The following ZNF143 variants were observed in gnomAD, a reference collection of about 807,000 sequenced individuals.
ZNF143 encodes the protein zinc finger protein 143, also known as SPH-binding factor.
A neutral mutation model predicts 74.1 loss-of-function variants in ZNF143; 49 were observed. The observed-to-expected ratio is 0.66, with a 90% CI of 0.53 to 0.84. The LOEUF (loss-of-function observed/expected upper bound fraction) is 0.84. Ranked by LOEUF, ZNF143 falls within the 40% of genes least tolerant of loss-of-function variation. The pLI, the probability that ZNF143 is intolerant of heterozygous loss-of-function variation, is 0.00. For synonymous variants in ZNF143, 304 were observed against 282.8 expected, an observed-to-expected ratio of 1.07 and a Z score of -0.75; for missense variants, 637 against 793.4, an observed-to-expected ratio of 0.80 and a Z score of 2.37.
At chr11:9,486,422 A>T (rs1417627728) in intron 7 of ZNF143, among the ~76,000 whole-genome samples, 9 of 36,452 alleles carry the variant, frequency 2.5e-4, no homozygotes, top group South Asian at 6.4e-4. Flanking sequence ...AATATATATT[A>T]TATATATTAT....
chr11:9,487,154 A>G (rs1847590465), intron 7 of ZNF143, among the ~76,000 whole-genome samples: 1 of 149,388 alleles, frequency 6.7e-6, no homozygotes, highest in Non-Finnish European at 1.5e-5. Context: ...TTTAATAGAG[A>G]TGGGGTGTCA....
chr11:9,476,758 T>G (rs1856923671), intron 5 of ZNF143, among the ~76,000 whole-genome samples: 1 of 104,266 alleles, frequency 9.6e-6, no homozygotes, highest in African/African-American at 4.2e-5. Flanking sequence ...TTTTTTTTTT[T>G]TTTTTTTTTT....
chr11:9,501,172 C>T lies in ZNF143; in HGVS notation c.1049C>T (p.Thr350Ile). 6.2e-7 allele frequency: 1 copy of T among 1,614,142 alleles called. No homozygotes were observed. Among genetic ancestry groups the T allele is most frequent in the East Asian group, 2.2e-5 (1 of 44,886 alleles). The change falls in exon 11 of 16, where the codon ACA (threonine) becomes ATA (isoleucine). Residue 350 changes from threonine (T) to isoleucine (I), a missense_variant. Physicochemically the swap from Thr to Ile is moderately conservative, Grantham distance 89. Coordinates refer to ENST00000396602, the MANE Select transcript of ZNF143 (RefSeq NM_003442.6). ...AATATCAGAAAAGTGCACGTTAGGA[C>T]ACACACAGGAGAAAGACCTTATTAC... ...TSNIRKVHVR[T>I]HTGERPYYCT...
chr11:9,466,877 C>G (rs1012781632), intron 1 of ZNF143, among the ~76,000 whole-genome samples: 27 of 149,106 alleles, frequency 1.8e-4, no homozygotes, highest in African/African-American at 5.9e-4. Context: ...GAGTAATACT[C>G]TGGTTTTTTT....
chr11:9,515,130 A>G (rs1848678278), intron 13 of ZNF143, among the ~76,000 whole-genome samples: 1 of 152,110 alleles, frequency 6.6e-6, no homozygotes, highest in African/African-American at 2.4e-5. Context: ...CTCCTCAAAA[A>G]AAAAGTCTGA....
At chr11:9,497,443 C>G (rs1486760482) in intron 9 of ZNF143, among the ~76,000 whole-genome samples, 4 of 152,160 alleles carry the variant, frequency 2.6e-5, no homozygotes, top group South Asian at 2.1e-4. Context: ...GTTGGCCAGG[C>G]TGAGCTCGAA....
Position 9,516,228 on chromosome 11 carries a change from G to A in ZNF143, c.1552G>A (p.Ala518Thr). The change falls in exon 14 of 16, where the codon GCC (alanine) becomes ACC (threonine). Residue 518 changes from alanine to threonine, a missense_variant. By Grantham distance (58) the Ala-to-Thr change is moderately conservative. Coordinates refer to ENST00000396602, the MANE Select transcript of ZNF143 (RefSeq NM_003442.6). ...HVNISQADMQAIGNTITMVTQ... is the reference protein window; with the variant it reads ...HVNISQADMQTIGNTITMVTQ... ...CAACATATCTCAAGCTGACATGCAG[G>A]CCATTGGCAACACCATCACAATGGT... 1.2e-6 allele frequency: 2 copies of A among 1,613,958 alleles called. No individual in the cohort carries two copies. The highest frequency in any genetic ancestry group is 1.7e-4 in the Middle Eastern group (1 of 6,060).
chr11:9,481,194 C>T (rs973866870), intron 7 of ZNF143, among the ~76,000 whole-genome samples: 3 of 152,080 alleles, frequency 2.0e-5, no homozygotes, highest in African/African-American at 7.2e-5. Context: ...TTGAGACCAG[C>T]CCGGGCAACA....
intron 14 of ZNF143, among the ~76,000 whole-genome samples, chr11:9,524,079 G>C (rs1320304465): frequency 1.3e-5 from 2 of 149,680 alleles, no homozygotes; most frequent in Admixed American, 6.7e-5. Flanking sequence ...TTTGAGGACA[G>C]TTTATACAAA....
chr11:9,478,510 C>T lies in ZNF143; in HGVS notation c.494C>T (p.Thr165Ile), dbSNP rs1018639593. ...ATCTTGGCAATTCAGGCTGATGGGA[C>T]AGTGGCAGGTCTGCACACTGGGGAT... ...DTILAIQADG[T>I]VAGLHTGDAT... Residue 165 changes from threonine to isoleucine, a missense_variant, in exon 6 of 16, where the codon ACA (threonine) becomes ATA (isoleucine). This residue lies in a region of ZNF143 where 293 missense variants were observed against 307.8 expected (regional missense o/e 0.95). Coordinates refer to ENST00000396602, the MANE Select transcript of ZNF143 (RefSeq NM_003442.6). The T allele has an allele frequency of 6.2e-7, 1 of 1,614,054 alleles. No homozygotes were observed. The highest frequency in any genetic ancestry group is 1.3e-5 in the African/African-American group (1 of 74,928).
intron 14 of ZNF143, among the ~76,000 whole-genome samples, chr11:9,522,840 A>T (rs1454044409): frequency 6.7e-6 from 1 of 150,304 alleles, no homozygotes; most frequent in East Asian, 2.0e-4. Flanking sequence ...CAGATGGAGA[A>T]TGTATATTAA....
intron 1 of ZNF143, among the ~76,000 whole-genome samples, chr11:9,462,504 A>T (rs950650475): frequency 6.6e-6 from 1 of 151,828 alleles, no homozygotes; most frequent in Non-Finnish European, 1.5e-5. Context: ...TCCAGGCTGC[A>T]GTGAGCCGTG....
chr11:9,519,399 G>A (rs1848834547), intron 14 of ZNF143, among the ~76,000 whole-genome samples: 1 of 152,134 alleles, frequency 6.6e-6, no homozygotes, highest in Non-Finnish European at 1.5e-5. Flanking sequence ...GCCCGCCTCG[G>A]CCTCCCAAAG....
At chr11:9,464,765 T>C (rs1180374924) in intron 1 of ZNF143, among the ~76,000 whole-genome samples, 1 of 150,372 alleles carries the variant, frequency 6.7e-6, no homozygotes, top group Non-Finnish European at 1.5e-5. Flanking sequence ...ACTAAAAAAA[T>C]ACAAAAAATT....
At chr11:9,487,417 G>A (rs113517913) in intron 7 of ZNF143, among the ~76,000 whole-genome samples, 1 of 151,300 alleles carries the variant, frequency 6.6e-6, no homozygotes, top group Non-Finnish European at 1.5e-5. Flanking sequence ...TGGAGTGCAG[G>A]GGCATGATCT....
chr11:9,491,950 A>G (rs1465770284), intron 7 of ZNF143, among the ~76,000 whole-genome samples: 5 of 151,552 alleles, frequency 3.3e-5, no homozygotes, highest in Non-Finnish European at 5.9e-5. Flanking sequence ...TTATTTATTT[A>G]TTTGTTTGTT....
chr11:9,522,681 A>C (rs1017561024), intron 14 of ZNF143, among the ~76,000 whole-genome samples: 3 of 151,670 alleles, frequency 2.0e-5, no homozygotes, highest in Non-Finnish European at 4.4e-5. Flanking sequence ...TTTAGTAGAG[A>C]CGGGGTCTCA....
chr11:9,463,913 T>G (rs1856021649), intron 1 of ZNF143: 1 of 152,232 alleles, frequency 6.6e-6, no homozygotes, highest in Admixed American at 6.6e-5. Flanking sequence ...CATATACAGA[T>G]AACTATATAC....
At chr11:9,515,605 G>GAT (rs1048943843) in intron 13 of ZNF143, among the ~76,000 whole-genome samples, 4 of 149,280 alleles carry the variant, frequency 2.7e-5, no homozygotes, top group Non-Finnish European at 5.9e-5. Context: ...AGTAAGCAGA[G>GAT]ATTGCGCCAC....
Sources: allele counts gnomAD v4.1 joint callset (sites outside exome capture counted in the v4.1 genomes callset), GRCh38; gene constraint gnomAD v4.1.1; regional missense constraint gnomAD v4.1.1; transcripts MANE v1.5; gene names NCBI Gene and HGNC (gene_info 2026-07-23, HGNC 2026-07-21).